The following ZDHHC21 variants were observed in gnomAD, a reference collection of about 807,000 sequenced individuals.
ZDHHC21 encodes the protein palmitoyltransferase ZDHHC21.
ZDHHC21 carries 15 observed loss-of-function variants against 34.6 expected under a neutral mutation model. The observed-to-expected ratio is 0.43, with a 90% CI of 0.29 to 0.67. The LOEUF (loss-of-function observed/expected upper bound fraction) is 0.67. Ranked by LOEUF, ZDHHC21 falls within the 30% of genes least tolerant of loss-of-function variation. The pLI is 0.14. For missense variants in ZDHHC21, 344 were observed against 327.7 expected, an observed-to-expected ratio of 1.05 and a Z score of -0.38; for synonymous variants, 142 against 101.8, an observed-to-expected ratio of 1.40 and a Z score of -2.38.
At chr9:14,624,707 G>T (rs1467605728) in intron 8 of ZDHHC21, among the ~76,000 whole-genome samples, 1 of 152,030 alleles carries the variant, frequency 6.6e-6, no homozygotes, top group African/African-American at 2.4e-5. Flanking sequence ...CAATTAGAAA[G>T]GAGTAATAAA....
chr9:14,608,424 G>A (rs1564157123), downstream of ZDHHC21, among the ~76,000 whole-genome samples: 1 of 152,104 alleles, frequency 6.6e-6, no homozygotes, highest in Non-Finnish European at 1.5e-5. Context: ...TCAAATACGT[G>A]TCTACAGTAG....
At chr9:14,604,920 T>A in the ZDHHC21 span, among the ~76,000 whole-genome samples, 1 of 152,156 alleles carries the variant, frequency 6.6e-6, no homozygotes, top group African/African-American at 2.4e-5. Flanking sequence ...TTTCTATAAG[T>A]TTGACTACAT....
At chr9:14,681,865 A>T (rs1212870484) in intron 2 of ZDHHC21, among the ~76,000 whole-genome samples, 2 of 152,112 alleles carry the variant, frequency 1.3e-5, no homozygotes, top group Non-Finnish European at 2.9e-5. Flanking sequence ...TACAAGCCAG[A>T]AGAGAACGGG....
chr9:14,619,716 G>A, intron 8 of ZDHHC21, 34 bp from the exon 9 acceptor site: 1 of 1,193,280 alleles, frequency 8.4e-7, no homozygotes, highest in Non-Finnish European at 1.2e-6. Flanking sequence ...TCAGATGTAA[G>A]AAAGTTATTA....
chr9:14,681,669 G>A (rs1402365151), intron 2 of ZDHHC21, among the ~76,000 whole-genome samples: 1 of 151,928 alleles, frequency 6.6e-6, no homozygotes, highest in Non-Finnish European at 1.5e-5. Flanking sequence ...TGTTAACCCC[G>A]TGAGAAATGA....
chr9:14,611,673 G>A lies in ZDHHC21; in HGVS notation c.*7293C>T, dbSNP rs530945266. On this transcript the variant is annotated 3_prime_UTR_variant, in exon 10 of 10. Coordinates refer to ENST00000380916, the MANE Select transcript of ZDHHC21 (RefSeq NM_178566.6). The stretch of plus-strand genomic sequence containing the variant: ...GAGCCTCAAGAATAACATAGATTTT[G>A]GCTATTCATTAAACTTGCCAGTTAG... The A allele has an allele frequency of 2.0e-5, 3 of 152,014 alleles. No homozygotes were observed. The highest frequency in any genetic ancestry group is 7.2e-5 in the African/African-American group (3 of 41,504). The allele number at this position is 152,014 out of a possible 1,614,324, so 9.4% of individuals were successfully genotyped here.
At chr9:14,633,523 C>G (rs1336146176) in intron 8 of ZDHHC21, among the ~76,000 whole-genome samples, 1 of 152,164 alleles carries the variant, frequency 6.6e-6, no homozygotes, top group Non-Finnish European at 1.5e-5. Flanking sequence ...CCCTAAGCAG[C>G]TCCAGGAAGG....
chr9:14,629,956 G>A (rs370023374), intron 8 of ZDHHC21, among the ~76,000 whole-genome samples: 3 of 152,168 alleles, frequency 2.0e-5, no homozygotes, highest in Non-Finnish European at 2.9e-5. Flanking sequence ...TGAGGCAGGA[G>A]AATCGCTTAA....
At chr9:14,634,241 G>A (rs1404171670) in intron 8 of ZDHHC21, among the ~76,000 whole-genome samples, 1 of 152,142 alleles carries the variant, frequency 6.6e-6, no homozygotes, top group South Asian at 2.1e-4. Context: ...TATTGTCAAC[G>A]CCTACACAAA....
intron 5 of ZDHHC21, among the ~76,000 whole-genome samples, chr9:14,662,904 C>T (rs1833663324): frequency 6.6e-6 from 1 of 152,064 alleles, no homozygotes; most frequent in Non-Finnish European, 1.5e-5. Context: ...AGAAGGATGT[C>T]ATATGGGTTT....
downstream of ZDHHC21, among the ~76,000 whole-genome samples, chr9:14,607,540 T>C (rs574410888): frequency 2.6e-5 from 4 of 151,666 alleles, no homozygotes; most frequent in Admixed American, 6.6e-5. Flanking sequence ...GTAGCTACTT[T>C]TGGGGAGGAG....
Position 14,640,011 on chromosome 9 carries a change from T to C in ZDHHC21, c.506A>G (p.Asp169Gly), listed in dbSNP as rs1829043888. 3 of 1,579,460 alleles carry C rather than the reference T, an allele frequency of 1.9e-6. No homozygotes were observed. Among genetic ancestry groups the C allele is most frequent in the South Asian group, 1.2e-5 (1 of 86,924 alleles). ...CAATTCATGTCTAAAAACAAAGAGG[T>C]CCTAAAAAGAAAAAGAAAGTCTTAA... Reference protein sequence around the residue: ...YFLPLKKRNLDLFVFRHELAI... With the variant: ...YFLPLKKRNLGLFVFRHELAI... Residue 169 changes from aspartate (D) to glycine (G), a missense_variant and splice_region_variant, in exon 8 of 10, where the codon GAC becomes GGC. Transcript: ENST00000380916.
At chr9:14,623,241 G>A (rs753504105) in intron 8 of ZDHHC21, among the ~76,000 whole-genome samples, 1 of 152,066 alleles carries the variant, frequency 6.6e-6, no homozygotes, top group Non-Finnish European at 1.5e-5. Context: ...GGCTGGGTGC[G>A]GTGGCTCACG....
At chr9:14,596,252 G>C in the ZDHHC21 span, among the ~76,000 whole-genome samples, 1 of 152,218 alleles carries the variant, frequency 6.6e-6, no homozygotes, top group Non-Finnish European at 1.5e-5. Flanking sequence ...ACAGCAGAAT[G>C]AGTATGACCC....
At chr9:14,639,855 A>C in intron 8 of ZDHHC21, 41 bp downstream of exon 8, 1 of 1,171,256 alleles carries the variant, frequency 8.5e-7, no homozygotes, top group South Asian at 1.6e-5. Flanking sequence ...TAATTAGGTA[A>C]TATATTCATA....
At chr9:14,633,701 C>G (rs748554596) in intron 8 of ZDHHC21, among the ~76,000 whole-genome samples, 1 of 152,148 alleles carries the variant, frequency 6.6e-6, no homozygotes, top group African/African-American at 2.4e-5. Flanking sequence ...AAACACCCTG[C>G]TGATCCCAGC....
At chr9:14,622,177 T>A (rs981764265) in intron 8 of ZDHHC21, among the ~76,000 whole-genome samples, 8 of 152,088 alleles carry the variant, frequency 5.3e-5, no homozygotes, top group African/African-American at 1.9e-4. Flanking sequence ...TTCCTCAGTC[T>A]ACATGACCAA....
At chr9:14,595,930 T>C in the ZDHHC21 span, among the ~76,000 whole-genome samples, 2 of 152,156 alleles carry the variant, frequency 1.3e-5, no homozygotes, top group Non-Finnish European at 2.9e-5. Flanking sequence ...TAATACCAAG[T>C]ACTGGAAAAG....
intron 3 of ZDHHC21, among the ~76,000 whole-genome samples, chr9:14,676,681 C>T (rs1387696990): frequency 1.3e-5 from 2 of 151,862 alleles, no homozygotes; most frequent in Admixed American, 6.6e-5. Context: ...AGATTGGTAT[C>T]ATTAAAATGA....
Sources: gnomAD v4.1 joint callset for allele counts (sites outside exome capture counted in the v4.1 genomes callset) on GRCh38, gnomAD v4.1.1 for gene constraint, MANE v1.5 for transcripts, NCBI Gene and HGNC (gene_info 2026-07-23, HGNC 2026-07-21) for gene names.